FKBP9: variants seen among roughly 807,000 people sequenced by gnomAD.
The protein encoded by FKBP9 is peptidyl-prolyl cis-trans isomerase FKBP9.
A neutral mutation model predicts 55.6 loss-of-function variants in FKBP9; 27 were observed. The observed-to-expected ratio is 0.49, with a 90% CI of 0.36 to 0.67. The LOEUF (loss-of-function observed/expected upper bound fraction) is 0.67, where lower values mean the gene tolerates loss of function less well. Among genes scored for constraint, FKBP9 ranks in the 30% least tolerant of loss-of-function variants. FKBP9 has a pLI of 0.00. For synonymous variants in FKBP9, 267 were observed against 296.5 expected (o/e 0.90, Z 1.02); for missense variants, 539 against 742.8 (o/e 0.73, Z 3.19).
In FKBP9 at chr7:32,979,779, G is replaced by A. The variant is rs1323039779; in HGVS notation, c.704-585G>A. ...CCAAGAGAAGCAGTACTACCCAGAA[G>A]TGAGATAGAAGTGATTTGAGGACTA... On this transcript the variant is annotated intron_variant, in intron 4 of 9. Coordinates refer to ENST00000242209, the MANE Select transcript of FKBP9 (RefSeq NM_007270.5). Among the ~76,000 whole-genome samples, 9 of 152,250 alleles carry A rather than the reference G, an allele frequency of 5.9e-5. No individual in the cohort carries two copies. The East Asian group carries it at 1.2e-3, about 19-fold the overall frequency.
rs1301952733 is a variant in FKBP9, at chr7:33,005,988, C to G, written c.*637C>G. ...GTGTATAACTTGGAGGTTAAAAGAG[C>G]CTTTTGGACAGAAAACTGGGCCAGG... On this transcript the variant is annotated 3_prime_UTR_variant, in exon 10 of 10. Coordinates refer to ENST00000242209, the MANE Select transcript of FKBP9 (RefSeq NM_007270.5). 8.7e-6 allele frequency: 2 copies of G among 230,798 alleles called. No individual in the cohort carries two copies. Among genetic ancestry groups the G allele is most frequent in the Admixed American group, 5.7e-5 (1 of 17,658 alleles). The allele number at this position is 230,798 out of a possible 1,614,324, so 14.3% of individuals were successfully genotyped here.
chr7:32,973,980 C>G (rs1784306467), intron 1 of FKBP9, among the ~76,000 whole-genome samples: 1 of 151,778 alleles, frequency 6.6e-6, no homozygotes, highest in Non-Finnish European at 1.5e-5. Context: ...GCGTGAGCCA[C>G]TGCACCTGGC....
Position 32,996,297 on chromosome 7 carries a change from C to G in FKBP9, c.1174C>G (p.Leu392Val). 6.2e-7 allele frequency: 1 copy of G among 1,613,962 alleles called. No homozygotes were observed. Residue 392 changes from leucine (L) to valine (V), a missense_variant, in exon 7 of 10, where the codon CTC becomes GTC. Transcript: ENST00000242209. ...CSVLSKKGDY[L>V]KYHYNASLLD... is the part of the protein sequence containing the mutation. ...AGTGCTGAGTAAGAAGGGAGATTAC[C>G]TCAAATATCACTACAATGCCTCACT...
chr7:32,999,745 T>C (rs1167717577), intron 7 of FKBP9, among the ~76,000 whole-genome samples: 7 of 152,100 alleles, frequency 4.6e-5, no homozygotes, highest in Non-Finnish European at 8.8e-5. Context: ...GGGTTTTTTG[T>C]CTTGTTTTTG....
At chr7:32,969,504 C>A in intron 1 of FKBP9, among the ~76,000 whole-genome samples, 1 of 152,114 alleles carries the variant, frequency 6.6e-6, no homozygotes. Context: ...ACTGTGTAGC[C>A]TTAGCCCTTG....
At chr7:32,982,062 C>A (rs1784488082) in intron 5 of FKBP9, among the ~76,000 whole-genome samples, 1 of 150,510 alleles carries the variant, frequency 6.6e-6, no homozygotes, top group South Asian at 2.1e-4. Flanking sequence ...ACTCTGTCAC[C>A]CAGGCTGCAG....
rs1194366171 is a variant in FKBP9, at chr7:32,975,101, C to T, written c.368-81C>T. 3.4e-5 allele frequency: 40 copies of T among 1,176,288 alleles called. No homozygotes were observed. The Admixed American group carries it at 7.3e-4, about 22-fold the overall frequency. The allele number at this position is 1,176,288 out of a possible 1,614,324, so 72.9% of individuals were successfully genotyped here. On this transcript the variant is annotated intron_variant, in intron 2 of 9. Transcript: ENST00000242209. The stretch of plus-strand genomic sequence containing the variant: ...CTTGAACCCTTTTGGCCCACATTCA[C>T]CTTGGGAGCATCCTAGGTGTTTATT...
chr7:33,004,446 G>A (rs951220424), intron 9 of FKBP9, among the ~76,000 whole-genome samples: 1 of 152,094 alleles, frequency 6.6e-6, no homozygotes, highest in Non-Finnish European at 1.5e-5. Flanking sequence ...ACCCAGGCAT[G>A]CGTCCACCTT....
At position 32,986,322 on chromosome 7, in the gene FKBP9, C is replaced by T. The variant is rs141319945; in HGVS notation, c.894-2185C>T. ...CGCTGTGGGTACCTGCCATCTCTCTCACTACTTGGTGTCCCTTTGTCGGGA... is the reference window on the plus strand; with the variant it reads ...CGCTGTGGGTACCTGCCATCTCTCTTACTACTTGGTGTCCCTTTGTCGGGA... On this transcript the variant is annotated intron_variant, in intron 5 of 9. Coordinates refer to ENST00000242209, the MANE Select transcript of FKBP9 (RefSeq NM_007270.5). Among the ~76,000 whole-genome samples the T allele has an allele frequency of 3.6e-3, 543 of 152,362 alleles. 9 individuals are homozygous for T. In the East Asian group the frequency reaches 0.05, roughly 14 times the overall value.
chr7:32,973,682 G>GTTTTTTTTTTTTTTTTTTT, intron 1 of FKBP9, among the ~76,000 whole-genome samples: 1 of 64,982 alleles, frequency 1.5e-5, no homozygotes, highest in Non-Finnish European at 2.9e-5. Context: ...GTTTTTTGTT[G>GTTTTTTTTTTTTTTTTTTT]TTTTTTTTTT....
In FKBP9 at chr7:32,996,337, T is replaced by G; in HGVS notation, c.1214T>G (p.Leu405Arg). The change falls in exon 7 of 10, where the codon CTG (leucine) becomes CGG (arginine). Residue 405 changes from leucine (L) to arginine (R), a missense_variant. Physicochemically the swap from Leu to Arg is moderately radical, Grantham distance 102 (BLOSUM62 -2). Coordinates refer to ENST00000242209, the MANE Select transcript of FKBP9 (RefSeq NM_007270.5). ...AATGCCTCACTTCTGGATGGGACCC[T>G]GCTGGACTCCACGTAAGGGCAACCA... ...HYNASLLDGT[L>R]LDSTWNLGKT... 1 of 1,613,072 alleles carries G rather than the reference T, an allele frequency of 6.2e-7. No individual in the cohort carries two copies. Among genetic ancestry groups the G allele is most frequent in the South Asian group, 1.1e-5 (1 of 91,010 alleles).
chr7:32,979,130 G>C (rs1235500404), intron 4 of FKBP9, among the ~76,000 whole-genome samples: 2 of 152,104 alleles, frequency 1.3e-5, no homozygotes, highest in Non-Finnish European at 2.9e-5. Flanking sequence ...TTAGCCAGGC[G>C]TGGTGGCAGG....
chr7:32,963,358 A>G (rs1784063710), intron 1 of FKBP9, among the ~76,000 whole-genome samples: 1 of 151,644 alleles, frequency 6.6e-6, no homozygotes, highest in Non-Finnish European at 1.5e-5. Context: ...TTTTCATCCC[A>G]TGGATTCAAG....
intron 7 of FKBP9, chr7:32,998,731 G>A (rs1305396128): frequency 6.6e-6 from 1 of 152,472 alleles, no homozygotes; most frequent in African/African-American, 2.4e-5. Context: ...AGGGAGGAGA[G>A]GAGTGGGAGT....
chr7:32,990,269 A>G (rs1230128915), intron 6 of FKBP9, among the ~76,000 whole-genome samples: 2 of 152,208 alleles, frequency 1.3e-5, no homozygotes, highest in Non-Finnish European at 2.9e-5. Flanking sequence ...CAGACCGGGG[A>G]AAAAGTGCTA....
intron 4 of FKBP9, chr7:32,979,470 T>G: frequency 1.3e-6 from 2 of 1,511,716 alleles, no homozygotes; most frequent in South Asian, 1.2e-5. Context: ...ATTCCTTGGA[T>G]GGGAAGGAGA....
rs1783926599 is a variant in FKBP9, at chr7:32,957,660, C to T, written c.87C>T (p.Gly29=). Residue 29 remains glycine, a synonymous_variant, in exon 1 of 10, where the codon GGC becomes GGT. Coordinates refer to ENST00000242209, the MANE Select transcript of FKBP9 (RefSeq NM_007270.5). Reference sequence around the variant, plus strand: ...CCGGGCAGGCAGCGCCCGTGGCGGGCCTGGGCTCCGACGCGGAGCTGCAGA... The same window carrying T: ...CCGGGCAGGCAGCGCCCGTGGCGGGTCTGGGCTCCGACGCGGAGCTGCAGA... The part of the protein sequence containing the change: ...WVTGQAAPVA[G]LGSDAELQIE... 6.6e-6 allele frequency: 10 copies of T among 1,506,626 alleles called. No individual in the cohort carries two copies. The highest frequency in any genetic ancestry group is 8.8e-6 in the Non-Finnish European group (10 of 1,135,918). 93.3% of individuals were successfully genotyped at this position (1,506,626 alleles called of 1,614,324 possible).
chr7:32,962,978 T>A (rs1347239851), intron 1 of FKBP9, among the ~76,000 whole-genome samples: 4 of 152,088 alleles, frequency 2.6e-5, no homozygotes, highest in African/African-American at 9.7e-5. Flanking sequence ...GGAGCTCTCA[T>A]GCCTCACACA....
intron 1 of FKBP9, 94 bp downstream of exon 1, chr7:32,957,888 GC>G (rs1343231663): frequency 9.7e-6 from 9 of 923,162 alleles, no homozygotes; most frequent in Non-Finnish European, 9.0e-6. Flanking sequence ...CCCTAGCTCC[GC>G]CCCGTGCAGC....
Sources: gnomAD v4.1 joint callset for allele counts (sites outside exome capture counted in the v4.1 genomes callset) on GRCh38, gnomAD v4.1.1 for gene constraint, MANE v1.5 for transcripts, NCBI Gene and HGNC (gene_info 2026-07-23, HGNC 2026-07-21) for gene names.